The following KIF21B variants were observed in gnomAD, a reference collection of about 807,000 sequenced individuals.
KIF21B encodes the protein kinesin family member 21B.
A neutral mutation model predicts 192.9 loss-of-function variants in KIF21B; 85 were observed. The ratio of observed to expected loss-of-function variants is 0.44; its 90% confidence interval spans 0.37 to 0.53. KIF21B has a LOEUF of 0.53. Ranked by LOEUF, KIF21B falls within the 20% of genes least tolerant of loss-of-function variation. KIF21B has a pLI of 0.00. For synonymous variants in KIF21B, 832 were observed against 884.6 expected, an observed-to-expected ratio of 0.94 and a Z score of 1.05; for missense variants, 1,716 against 2,194.8, an observed-to-expected ratio of 0.78 and a Z score of 4.36.
intron 30 of KIF21B, among the ~76,000 whole-genome samples, chr1:200,979,285 G>C (rs1398848752): frequency 6.6e-6 from 1 of 152,216 alleles, no homozygotes; most frequent in Non-Finnish European, 1.5e-5. Flanking sequence ...CAGGGCTTGG[G>C]GGACTGGGCT....
In KIF21B at chr1:200,990,425, G is replaced by A; in HGVS notation, c.2836-93C>T. ...CATAGCTTCCACCACAGGCTGGCCTGTGAGGTCCCCCCAGCACCTCTGGAT... is the reference window on the plus strand; with the variant it reads ...CATAGCTTCCACCACAGGCTGGCCTATGAGGTCCCCCCAGCACCTCTGGAT... On this transcript the variant is annotated intron_variant, in intron 19 of 34. Coordinates refer to ENST00000461742, the MANE Select transcript of KIF21B (RefSeq NM_001252102.2). This position sits in a 1 kb window ranked among gnomAD's most constrained non-coding sequence, Gnocchi z 5.4. The A allele has an allele frequency of 4.1e-6, 6 of 1,473,098 alleles. No individual in the cohort carries two copies. The highest frequency in any genetic ancestry group is 4.6e-6 in the Non-Finnish European group (5 of 1,085,676). 91.3% of individuals were successfully genotyped at this position (1,473,098 alleles called of 1,614,324 possible). A position where few individuals can be genotyped will look rare whatever the true frequency, so the allele number is the denominator to read the frequency against.
chr1:200,983,703 C>T (rs1405776780), intron 27 of KIF21B, among the ~76,000 whole-genome samples: 2 of 152,210 alleles, frequency 1.3e-5, no homozygotes, highest in Non-Finnish European at 2.9e-5. Context: ...ATGGGCACAG[C>T]CCTGCCCCAA....
Position 201,000,851 on chromosome 1 carries a change from T to A in KIF21B, c.1403-71A>T. The A allele has an allele frequency of 6.5e-7, 1 of 1,536,026 alleles. No individual in the cohort carries two copies. The highest frequency in any genetic ancestry group is 1.1e-5 in the South Asian group (1 of 89,406). The stretch of plus-strand genomic sequence containing the variant: ...AGGCCAGCGCGGTGGCTCAGACCTA[T>A]AATTCCAGCACTTTGGGAGGCCAAG... On this transcript the variant is annotated intron_variant, in intron 9 of 34. Transcript: ENST00000461742. This position sits in a 1 kb window ranked among gnomAD's most constrained non-coding sequence, Gnocchi z 6.0.
At chr1:201,003,874 C>A (rs1425527630) in intron 7 of KIF21B, 93 bp from the exon 8 acceptor site, 1 of 1,282,606 alleles carries the variant, frequency 7.8e-7, no homozygotes, top group Non-Finnish European at 1.1e-6. Flanking sequence ...CCATCCCATT[C>A]CCCCACTACC....
rs568733575 is a variant in KIF21B at position 200,975,939 on chromosome 1, G to T, written c.4444-270C>A. Among the ~76,000 whole-genome samples, 16 of 152,252 alleles carry T rather than the reference G, an allele frequency of 1.1e-4. No homozygotes were observed. Among genetic ancestry groups the T allele is most frequent in the African/African-American group, 3.6e-4 (15 of 41,538 alleles). ...GGAGACCAACTCAAGTAATGCAGGG[G>T]TGAATCAGCTCATCACGCCGAGACC... On this transcript the variant is annotated intron_variant, in intron 32 of 34. Coordinates refer to ENST00000461742, the MANE Select transcript of KIF21B (RefSeq NM_001252102.2). This position sits in a 1 kb window ranked among gnomAD's most constrained non-coding sequence, Gnocchi z 4.3.
At chr1:201,006,369 C>T (rs542884141) in intron 3 of KIF21B, among the ~76,000 whole-genome samples, 1 of 152,302 alleles carries the variant, frequency 6.6e-6, no homozygotes, top group African/African-American at 2.4e-5. Context: ...AAAGTGTCAC[C>T]TGCTGAAGAG....
intron 3 of KIF21B, among the ~76,000 whole-genome samples, chr1:201,007,245 G>C (rs533596660): frequency 1.1e-4 from 9 of 83,440 alleles, no homozygotes; most frequent in Admixed American, 3.7e-4. Flanking sequence ...CACACACACA[G>C]AGACAGACAC....
chr1:200,992,480 G>T, intron 15 of KIF21B, 91 bp from the exon 16 acceptor site: 1 of 1,342,600 alleles, frequency 7.4e-7, no homozygotes, highest in Non-Finnish European at 1.1e-6. Flanking sequence ...AGGGCATGGG[G>T]CAGGGATAGT....
At chr1:201,001,301 G>A (rs1657486766) in intron 9 of KIF21B, 1 of 154,948 alleles carries the variant, frequency 6.5e-6, no homozygotes, top group African/African-American at 2.4e-5. Context: ...CAACCTAAAT[G>A]CCCATCACTA....
At chr1:201,014,538 C>T (rs1035245347) in intron 1 of KIF21B, among the ~76,000 whole-genome samples, 2 of 152,172 alleles carry the variant, frequency 1.3e-5, no homozygotes, top group African/African-American at 2.4e-5. Flanking sequence ...GCTGGGAGCC[C>T]GCACCCTCTC....
At chr1:200,986,446 C>T (rs1656309138) in intron 26 of KIF21B, among the ~76,000 whole-genome samples, 1 of 151,922 alleles carries the variant, frequency 6.6e-6, no homozygotes, top group African/African-American at 2.4e-5. Context: ...CAATCTCTGC[C>T]TCCCAGGTTC....
intron 3 of KIF21B, among the ~76,000 whole-genome samples, chr1:201,007,105 G>C (rs1234888582): frequency 3.0e-5 from 3 of 100,684 alleles, no homozygotes; most frequent in Non-Finnish European, 4.1e-5. Context: ...GACACACACA[G>C]ACACACACAC....
Position 201,014,083 on chromosome 1 carries a change from C to T in KIF21B, c.42-4595G>A, listed in dbSNP as rs186784757. Among the ~76,000 whole-genome samples the T allele has an allele frequency of 1.3e-3, 204 of 152,364 alleles. 4 individuals are homozygous for T. The East Asian group carries it at 0.03, about 22-fold the overall frequency. The stretch of plus-strand genomic sequence containing the variant: ...CCCGGAGGCTGAGCGGCGGGTAGAG[C>T]GGGCGCGAGAGCGAGGAGAAAGGGC... On this transcript the variant is annotated intron_variant, in intron 1 of 34. Coordinates refer to ENST00000461742, the MANE Select transcript of KIF21B (RefSeq NM_001252102.2).
At chr1:200,993,949 C>G (rs1303548597) in intron 15 of KIF21B, among the ~76,000 whole-genome samples, 1 of 136,340 alleles carries the variant, frequency 7.3e-6, no homozygotes, top group African/African-American at 2.8e-5. Context: ...AGTGTTCTCC[C>G]AAAGGACTGG....
Position 200,990,966 on chromosome 1 carries a change from A to T in KIF21B, c.2638T>A (p.Phe880Ile), listed in dbSNP as rs528339942. 6.2e-7 allele frequency: 1 copy of T among 1,614,122 alleles called. No individual in the cohort carries two copies. Among genetic ancestry groups the T allele is most frequent in the Non-Finnish European group, 8.5e-7 (1 of 1,180,032 alleles). The stretch of plus-strand genomic sequence containing the variant: ...GTGGGCGCAGGATGGTCCCCCAAGA[A>T]GTGGTTGATTTTGCGGTTCCACTGG... ...VRQWNRKINH[F>I]LGDHPAPTVN... Residue 880 changes from phenylalanine to isoleucine, a missense_variant, in exon 18 of 35, where the codon TTC (phenylalanine) becomes ATC (isoleucine). By Grantham distance (21) the Phe-to-Ile change is conservative. This residue lies in a region of KIF21B where 1,087 missense variants were observed against 1,316.6 expected (regional missense o/e 0.83). Coordinates refer to ENST00000461742, the MANE Select transcript of KIF21B (RefSeq NM_001252102.2). The surrounding 1 kb of genome is among the most constrained non-coding windows in gnomAD (Gnocchi z 5.4).
chr1:201,006,481 A>G (rs1375900496), intron 3 of KIF21B, among the ~76,000 whole-genome samples: 1 of 152,038 alleles, frequency 6.6e-6, no homozygotes. Flanking sequence ...TAAGGGGGAG[A>G]CTGCAGCCCT....
At chr1:200,974,592 G>A (rs1655420043) in intron 34 of KIF21B, 122 bp downstream of exon 34, 1 of 1,004,892 alleles carries the variant, frequency 1.0e-6, no homozygotes. Flanking sequence ...GGCCACCATG[G>A]AATCTGCTCT....
rs1655317512 is a variant in KIF21B, at chr1:200,973,278, C to CTTG, written c.*242_*243insCAA. ...GAGGGGAACAAGAAGGGATAATGCCCTTTGGCTTCACAGCTTAATTTCCTC... is the reference window on the plus strand; with the variant it reads ...GAGGGGAACAAGAAGGGATAATGCCCTTGTTTGGCTTCACAGCTTAATTTCCTC... On this transcript the variant is annotated 3_prime_UTR_variant, in exon 35 of 35. Coordinates refer to ENST00000461742, the MANE Select transcript of KIF21B (RefSeq NM_001252102.2). The CTTG allele has an allele frequency of 2.2e-6, 1 of 461,704 alleles. No individual in the cohort carries two copies. The highest frequency in any genetic ancestry group is 2.0e-5 in the African/African-American group (1 of 49,014). The allele number at this position is 461,704 out of a possible 1,614,324, so 28.6% of individuals were successfully genotyped here.
chr1:200,982,664 C>T lies in KIF21B; in HGVS notation c.3842+392G>A, dbSNP rs988790444. On this transcript the variant is annotated intron_variant, in intron 28 of 34. Transcript: ENST00000461742. The surrounding 1 kb of genome is among the most constrained non-coding windows in gnomAD (Gnocchi z 4.7). Reference sequence around the variant, plus strand: ...AATCAAAGGACCCAGAGCACACCACCGGCACCCCCAAAAGGAGCAGCCTTC... The same window carrying T: ...AATCAAAGGACCCAGAGCACACCACTGGCACCCCCAAAAGGAGCAGCCTTC... Among the ~76,000 whole-genome samples the T allele has an allele frequency of 5.3e-5, 8 of 152,164 alleles. No homozygotes were observed. The highest frequency in any genetic ancestry group is 2.6e-4 in the Admixed American group (4 of 15,276).
Sources: gnomAD v4.1 joint callset for allele counts (sites outside exome capture counted in the v4.1 genomes callset) on GRCh38, gnomAD v4.1.1 for gene constraint, gnomAD v4.1.1 regional missense constraint, Gnocchi (gnomAD v3.1) non-coding constraint, MANE v1.5 for transcripts, NCBI Gene and HGNC (gene_info 2026-07-23, HGNC 2026-07-21) for gene names.